MBNL1: variants seen among roughly 807,000 people sequenced by gnomAD.
MBNL1 encodes the protein muscleblind-like protein 1.
In MBNL1, 8 loss-of-function variants were observed where a neutral mutation model predicts 42.2. The observed-to-expected ratio is 0.19, with a 90% CI of 0.11 to 0.34. The LOEUF (loss-of-function observed/expected upper bound fraction) is 0.34, where lower values mean the gene tolerates loss of function less well. Among genes scored for constraint, MBNL1 ranks in the 10% least tolerant of loss-of-function variants. The probability of loss-of-function intolerance (pLI) is 1.00; values close to 1 mark genes in which losing one functional copy is unlikely to be tolerated. For synonymous variants in MBNL1, 169 were observed against 173.9 expected, an observed-to-expected ratio of 0.97 and a Z score of 0.22; for missense variants, 309 against 495.3, an observed-to-expected ratio of 0.62 and a Z score of 3.57.
At chr3:152,449,690 G>T (rs912370558) in intron 6 of MBNL1, among the ~76,000 whole-genome samples, 12 of 152,100 alleles carry the variant, frequency 7.9e-5, no homozygotes, top group Non-Finnish European at 1.5e-4. Context: ...CTCTGTGCTA[G>T]GTTAAGCATT....
intron 1 of MBNL1, among the ~76,000 whole-genome samples, chr3:152,287,628 T>C (rs1490682811): frequency 6.6e-6 from 1 of 152,236 alleles, no homozygotes; most frequent in Non-Finnish European, 1.5e-5. Flanking sequence ...CACGAGTCAC[T>C]GATTCAGATA....
chr3:152,343,801 G>T (rs1421887763), intron 2 of MBNL1, among the ~76,000 whole-genome samples: 5 of 152,078 alleles, frequency 3.3e-5, no homozygotes, highest in South Asian at 2.1e-4. Context: ...CATATTTAAA[G>T]AATTGAAAGC....
At chr3:152,459,237 T>C (rs764140817) in intron 8 of MBNL1, 34 bp from the exon 9 acceptor site, 4 of 1,245,332 alleles carry the variant, frequency 3.2e-6, no homozygotes, top group African/African-American at 3.0e-5. Flanking sequence ...CTTGCTTGCA[T>C]GGATCATTCA....
intron 2 of MBNL1, among the ~76,000 whole-genome samples, chr3:152,252,385 G>T (rs769365255): frequency 6.6e-6 from 1 of 150,456 alleles, no homozygotes; most frequent in Non-Finnish European, 1.5e-5. Flanking sequence ...CCAATTTTAG[G>T]GTTTTTCCCT....
chr3:152,297,316 A>G (rs1291250390), intron 1 of MBNL1, among the ~76,000 whole-genome samples: 3 of 147,694 alleles, frequency 2.0e-5, no homozygotes, highest in African/African-American at 5.0e-5. Flanking sequence ...TTTGAAAACC[A>G]AAATATTTCT....
chr3:152,325,815 TTCTG>T (rs1232675586), intron 2 of MBNL1, among the ~76,000 whole-genome samples: 14 of 151,900 alleles, frequency 9.2e-5, no homozygotes, highest in African/African-American at 2.7e-4. Context: ...CCCCTGTGAT[TTCTG>T]TCTTTTTTGT....
chr3:152,415,223 G>C, intron 3 of MBNL1, 112 bp downstream of exon 3: 1 of 1,029,986 alleles, frequency 9.7e-7, no homozygotes, highest in Non-Finnish European at 1.3e-6. Flanking sequence ...AATTTCAGTT[G>C]CCTTACCATT....
intron 2 of MBNL1, among the ~76,000 whole-genome samples, chr3:152,349,271 G>A (rs748888853): frequency 6.6e-6 from 1 of 152,020 alleles, no homozygotes; most frequent in Non-Finnish European, 1.5e-5. Context: ...CTTTATCTTA[G>A]TGCTGATTTA....
intron 2 of MBNL1, among the ~76,000 whole-genome samples, chr3:152,253,195 T>A (rs1410855224): frequency 1.3e-5 from 2 of 152,046 alleles, no homozygotes; most frequent in Non-Finnish European, 2.9e-5. Flanking sequence ...AACCCCTCAT[T>A]TCCTACCCCT....
chr3:152,278,254 A>G (rs950170979), intron 1 of MBNL1, among the ~76,000 whole-genome samples: 3 of 152,074 alleles, frequency 2.0e-5, no homozygotes, highest in Admixed American at 2.0e-4. Flanking sequence ...ATTCAGGAAA[A>G]ACTGCATTGT....
intron 2 of MBNL1, among the ~76,000 whole-genome samples, chr3:152,353,690 G>A (rs1267574512): frequency 3.9e-5 from 1 of 25,460 alleles, no homozygotes; most frequent in Non-Finnish European, 8.7e-5. Flanking sequence ...TTTTTTTTTT[G>A]GCTTATAGTC....
chr3:152,448,702 G>T (rs1715500400), intron 6 of MBNL1, among the ~76,000 whole-genome samples: 1 of 151,824 alleles, frequency 6.6e-6, no homozygotes, highest in African/African-American at 2.4e-5. Context: ...GACTATACTG[G>T]CAGTATTTAC....
upstream of MBNL1, chr3:152,265,357 AT>A: frequency 6.6e-6 from 1 of 150,798 alleles, no homozygotes; most frequent in East Asian, 1.9e-4. Flanking sequence ...TCCTTGAGAT[AT>A]TTTTATTTAG....
chr3:152,289,259 A>G (rs2150905255), intron 1 of MBNL1, among the ~76,000 whole-genome samples: 1 of 152,250 alleles, frequency 6.6e-6, no homozygotes, highest in Middle Eastern at 3.4e-3. Context: ...AAATGGACAT[A>G]TAGTGGAGTA....
At chr3:152,318,891 C>A (rs1037757219) in intron 2 of MBNL1, among the ~76,000 whole-genome samples, 1 of 152,096 alleles carries the variant, frequency 6.6e-6, no homozygotes, top group Non-Finnish European at 1.5e-5. Context: ...TATTTAAAGT[C>A]CCCTGATTAT....
In MBNL1 at chr3:152,280,809, C is replaced by T. The variant is rs141658719; in HGVS notation, c.-790+11717C>T. ...TCTATAAGACCCCATTCAGCTGTGA[C>T]GTGTTGTTGTTTCCAAGATTTAATC... On this transcript the variant is annotated intron_variant, in intron 1 of 9. Transcript: ENST00000324210. Among the ~76,000 whole-genome samples, 19 of 152,174 alleles carry T rather than the reference C, an allele frequency of 1.2e-4. No individual in the cohort carries two copies. The East Asian group carries it at 2.9e-3, about 23-fold the overall frequency.
Position 152,329,747 on chromosome 3 carries a change from A to AAT in MBNL1, c.174+29390_174+29391dup, listed in dbSNP as rs1291021707. On this transcript the variant is annotated intron_variant, in intron 2 of 9. Coordinates refer to ENST00000324210, the MANE Select transcript of MBNL1 (RefSeq NM_021038.5). ...TATATAATATATAATATATATAAGA[A>AAT]ATATATATATAATTTCTTTCAAAAC... 2.0e-5 allele frequency among the ~76,000 whole-genome samples: 3 copies of AAT among 147,514 alleles called. No homozygotes were observed. In the East Asian group the frequency reaches 5.9e-4, roughly 29 times the overall value.
intron 2 of MBNL1, among the ~76,000 whole-genome samples, chr3:152,363,731 AAG>A (rs1408136651): frequency 1.2e-4 from 18 of 152,178 alleles, no homozygotes; most frequent in African/African-American, 4.3e-4. Flanking sequence ...GAGGGAAACT[AAG>A]AATTAAATGC....
At chr3:152,287,623 G>C (rs577945456) in intron 1 of MBNL1, among the ~76,000 whole-genome samples, 2 of 152,300 alleles carry the variant, frequency 1.3e-5, no homozygotes, top group South Asian at 4.1e-4. Flanking sequence ...TTACCCACGA[G>C]TCACTGATTC....
Sources: gnomAD v4.1 joint callset for allele counts (sites outside exome capture counted in the v4.1 genomes callset) on GRCh38, gnomAD v4.1.1 for gene constraint, MANE v1.5 for transcripts, NCBI Gene and HGNC (gene_info 2026-07-23, HGNC 2026-07-21) for gene names.